The following ANKRD6 variants were observed in gnomAD, a reference collection of about 807,000 sequenced individuals.
ANKRD6 encodes the protein ankyrin repeat domain 6, also known as ankyrin repeat domain-containing protein 6.
A neutral mutation model predicts 82.3 loss-of-function variants in ANKRD6; 56 were observed. That is an observed-to-expected ratio of 0.68 (90% CI 0.55 to 0.85). The LOEUF (loss-of-function observed/expected upper bound fraction) is 0.85. ANKRD6 is among the 40% of genes least tolerant of loss of function. The probability of loss-of-function intolerance (pLI) is 0.00; values close to 1 mark genes in which losing one functional copy is unlikely to be tolerated. For missense variants in ANKRD6, 852 were observed against 907.6 expected (o/e 0.94, Z 0.79); for synonymous variants, 347 against 352.1 (o/e 0.99, Z 0.16).
At chr6:89,569,896 T>G (rs1789407746) in intron 2 of ANKRD6, among the ~76,000 whole-genome samples, 2 of 152,202 alleles carry the variant, frequency 1.3e-5, no homozygotes, top group Admixed American at 6.5e-5. Flanking sequence ...CCATTTACAC[T>G]CCAAAGAAAC....
At chr6:89,559,973 T>C (rs927385751) in intron 1 of ANKRD6, among the ~76,000 whole-genome samples, 1 of 152,144 alleles carries the variant, frequency 6.6e-6, no homozygotes, top group Non-Finnish European at 1.5e-5. Context: ...AAAAATAAAT[T>C]GATTATTGGT....
intron 3 of ANKRD6, among the ~76,000 whole-genome samples, chr6:89,600,012 A>G (rs1326877236): frequency 4.6e-5 from 7 of 152,148 alleles, no homozygotes; most frequent in Non-Finnish European, 1.0e-4. Flanking sequence ...GGTCCCCCAG[A>G]GGAAGGGGTG....
intron 1 of ANKRD6, among the ~76,000 whole-genome samples, chr6:89,490,717 G>C (rs1777916316): frequency 6.6e-6 from 1 of 152,190 alleles, no homozygotes; most frequent in Non-Finnish European, 1.5e-5. Context: ...GCTGTGAGAA[G>C]CTGCAGGGTG....
At chr6:89,461,504 G>T (rs1177080796) in intron 1 of ANKRD6, among the ~76,000 whole-genome samples, 1 of 152,180 alleles carries the variant, frequency 6.6e-6, no homozygotes, top group Non-Finnish European at 1.5e-5. Flanking sequence ...TTTATGTTAA[G>T]CCAACATATG....
chr6:89,621,018 G>A (rs953433274), intron 9 of ANKRD6, among the ~76,000 whole-genome samples: 11 of 152,076 alleles, frequency 7.2e-5, no homozygotes, highest in Non-Finnish European at 1.5e-4. Context: ...GCAGTGAGCC[G>A]AGATCACGCC....
At position 89,624,521 on chromosome 6, in the gene ANKRD6, T is replaced by G. The variant is rs767527195; in HGVS notation, c.1219-18T>G. The stretch of plus-strand genomic sequence containing the variant: ...AGGAATGAACAAGGGATTGATTCCT[T>G]TTTTGTTTCTCTCTTAGGCACCAAT... On this transcript the variant is annotated intron_variant, in intron 12 of 15. Coordinates refer to ENST00000339746, the MANE Select transcript of ANKRD6 (RefSeq NM_001242809.2). 128 of 1,551,724 alleles carry G rather than the reference T, an allele frequency of 8.2e-5. No individual in the cohort carries two copies. Among genetic ancestry groups the G allele is most frequent in the Middle Eastern group, 3.3e-4 (2 of 6,010 alleles).
intron 1 of ANKRD6, among the ~76,000 whole-genome samples, chr6:89,460,098 T>G (rs1773943784): frequency 6.6e-6 from 1 of 150,798 alleles, no homozygotes; most frequent in Non-Finnish European, 1.5e-5. Flanking sequence ...TTCCTCATGT[T>G]TCCAAACTGA....
At chr6:89,586,612 G>A (rs371519054) in intron 2 of ANKRD6, among the ~76,000 whole-genome samples, 136 of 152,140 alleles carry the variant, frequency 8.9e-4, no homozygotes, top group Non-Finnish European at 1.2e-3. Context: ...ATTTGAACCC[G>A]GGAGGTAGAG....
intron 1 of ANKRD6, among the ~76,000 whole-genome samples, chr6:89,498,742 G>GC (rs1308132978): frequency 6.6e-6 from 1 of 152,198 alleles, no homozygotes; most frequent in Non-Finnish European, 1.5e-5. Context: ...TGATTTGGGA[G>GC]CCCAGTTTGC....
intron 1 of ANKRD6, among the ~76,000 whole-genome samples, chr6:89,542,369 G>C (rs1164736935): frequency 1.3e-5 from 2 of 152,148 alleles, no homozygotes; most frequent in Admixed American, 6.5e-5. Flanking sequence ...TTATTGTCAA[G>C]AGCCATTAGT....
chr6:89,511,757 C>T lies in ANKRD6; in HGVS notation c.-143-55077C>T, dbSNP rs531947516. ...GTTGATGTCACTATTCCCTAGGGAACAAAAGAACTACATTTTTTTGTTTGT... is the reference window on the plus strand; with the variant it reads ...GTTGATGTCACTATTCCCTAGGGAATAAAAGAACTACATTTTTTTGTTTGT... On this transcript the variant is annotated intron_variant, in intron 1 of 15. Coordinates refer to ENST00000339746, the MANE Select transcript of ANKRD6 (RefSeq NM_001242809.2). Among the ~76,000 whole-genome samples the T allele has an allele frequency of 5.7e-4, 87 of 152,174 alleles. No homozygotes were observed. In the South Asian group the frequency reaches 0.018, roughly 31 times the overall value.
chr6:89,565,610 T>C (rs1272558301), intron 1 of ANKRD6, among the ~76,000 whole-genome samples: 1 of 152,004 alleles, frequency 6.6e-6, no homozygotes, highest in Non-Finnish European at 1.5e-5. Flanking sequence ...GGTGAACGAG[T>C]TCAAACAGGA....
chr6:89,616,709 A>G, intron 8 of ANKRD6, 52 bp downstream of exon 8: 1 of 1,557,156 alleles, frequency 6.4e-7, no homozygotes, highest in South Asian at 1.1e-5. Flanking sequence ...CCCTTTCCAG[A>G]ATGGGATGTG....
At chr6:89,443,216 C>G (rs191553034) in intron 1 of ANKRD6, among the ~76,000 whole-genome samples, 1 of 152,186 alleles carries the variant, frequency 6.6e-6, no homozygotes, top group African/African-American at 2.4e-5. Context: ...TGAAGCACAT[C>G]TGCTTCCCCC....
rs186737155 is a variant in ANKRD6 at position 89,558,130 on chromosome 6, T to G, written c.-143-8704T>G. Among the ~76,000 whole-genome samples the G allele has an allele frequency of 2.1e-3, 316 of 152,312 alleles. 2 individuals are homozygous for G. Among genetic ancestry groups the G allele is most frequent in the African/African-American group, 6.4e-3 (267 of 41,572 alleles). ...AACTGGTCTTTGGTGCCAAAAAGTT[T>G]GAGGACTGCTGTGTTAGAAGACAGT... On this transcript the variant is annotated intron_variant, in intron 1 of 15. Transcript: ENST00000339746.
intron 1 of ANKRD6, among the ~76,000 whole-genome samples, chr6:89,465,769 A>G (rs767145249): frequency 1.4e-4 from 21 of 152,088 alleles, no homozygotes; most frequent in Non-Finnish European, 2.8e-4. Context: ...AGGCTGAGGT[A>G]GGAGGATCAC....
chr6:89,566,182 T>C (rs1788476358), intron 1 of ANKRD6, among the ~76,000 whole-genome samples: 1 of 152,258 alleles, frequency 6.6e-6, no homozygotes, highest in South Asian at 2.1e-4. Flanking sequence ...TGTTAGTGTT[T>C]AGCATCTGTG....
At chr6:89,570,971 G>A (rs899486597) in intron 2 of ANKRD6, among the ~76,000 whole-genome samples, 2 of 152,138 alleles carry the variant, frequency 1.3e-5, no homozygotes, top group Non-Finnish European at 2.9e-5. Flanking sequence ...TTCCATGGCT[G>A]TTGCACCATT....
chr6:89,579,382 A>G (rs1435679990), intron 2 of ANKRD6, among the ~76,000 whole-genome samples: 1 of 152,222 alleles, frequency 6.6e-6, no homozygotes, highest in African/African-American at 2.4e-5. Flanking sequence ...CTGTGGTCCA[A>G]GTATCAGGCA....
Sources: gnomAD v4.1 joint callset for allele counts (sites outside exome capture counted in the v4.1 genomes callset) on GRCh38, gnomAD v4.1.1 for gene constraint, MANE v1.5 for transcripts, NCBI Gene and HGNC (gene_info 2026-07-23, HGNC 2026-07-21) for gene names.